The following CERS3 variants were observed in gnomAD, a reference collection of about 807,000 sequenced individuals.
The protein encoded by CERS3 is LAG1 homolog, ceramide synthase 3.
Under a neutral mutation model 50.3 loss-of-function variants are expected in CERS3, and 33 were observed. That is an observed-to-expected ratio of 0.66 (90% confidence interval 0.50 to 0.88). The LOEUF is 0.88. Among genes scored for constraint, CERS3 ranks in the 40% least tolerant of loss-of-function variants. The pLI, the probability that CERS3 is intolerant of heterozygous loss-of-function variation, is 0.00. For synonymous variants in CERS3, 176 were observed against 155.2 expected (o/e 1.13, Z -0.99); for missense variants, 470 against 460.3 (o/e 1.02, Z -0.19).
At chr15:100,456,663 T>C (rs1416494876) in intron 10 of CERS3, among the ~76,000 whole-genome samples, 2 of 152,220 alleles carry the variant, frequency 1.3e-5, no homozygotes, top group Non-Finnish European at 1.5e-5. Context: ...TATTGCCATA[T>C]GGGCCGGGCA....
intron 3 of CERS3, among the ~76,000 whole-genome samples, chr15:100,501,077 T>C (rs1356446759): frequency 6.6e-6 from 1 of 152,200 alleles, no homozygotes; most frequent in Non-Finnish European, 1.5e-5. Flanking sequence ...GGAAATAATA[T>C]CCATTTAAAT....
intron 5 of CERS3, among the ~76,000 whole-genome samples, chr15:100,481,606 C>A (rs765620191): frequency 7.9e-5 from 12 of 152,234 alleles, no homozygotes; most frequent in Non-Finnish European, 1.5e-4. Context: ...CGCACACATG[C>A]GCTATGTCAC....
chr15:100,401,117 C>T lies in CERS3; in HGVS notation c.*1596G>A, dbSNP rs2030489412. 6.6e-6 allele frequency: 1 copy of T among 152,178 alleles called. No homozygotes were observed. Among genetic ancestry groups the T allele is most frequent in the Non-Finnish European group, 1.5e-5 (1 of 68,054 alleles). 9.4% of individuals were successfully genotyped at this position (152,178 alleles called of 1,614,324 possible). On this transcript the variant is annotated 3_prime_UTR_variant, in exon 12 of 12. Coordinates refer to ENST00000679737, the MANE Select transcript of CERS3 (RefSeq NM_001378789.1). ...GCAGTGTCCTTCCGGCTCCAGGGGCCCTGCAGCTGCTCTGCTTGGGGCTGA... is the reference window on the plus strand; with the variant it reads ...GCAGTGTCCTTCCGGCTCCAGGGGCTCTGCAGCTGCTCTGCTTGGGGCTGA...
At chr15:100,539,042 C>A (rs1406567745) in intron 1 of CERS3, among the ~76,000 whole-genome samples, 3 of 152,178 alleles carry the variant, frequency 2.0e-5, no homozygotes, top group African/African-American at 7.2e-5. Context: ...CAAAGTTCCA[C>A]AGATCTCTAG....
In CERS3 at chr15:100,402,623, G is replaced by T. The variant is rs529533224; in HGVS notation, c.*90C>A. The T allele has an allele frequency of 1.3e-5, 17 of 1,289,874 alleles. No homozygotes were observed. The South Asian group carries it at 2.1e-4, about 16-fold the overall frequency. The allele number at this position is 1,289,874 out of a possible 1,614,324, so 79.9% of individuals were successfully genotyped here. On this transcript the variant is annotated 3_prime_UTR_variant, in exon 12 of 12. Coordinates refer to ENST00000679737, the MANE Select transcript of CERS3 (RefSeq NM_001378789.1). Reference sequence around the variant, plus strand: ...AGGCGGTGGTGAGAAAGAGGGAAGGGCAGAATGTGGGGTCGGTGTGGGGCC... The same window carrying T: ...AGGCGGTGGTGAGAAAGAGGGAAGGTCAGAATGTGGGGTCGGTGTGGGGCC...
chr15:100,473,595 G>A (rs2035035762), intron 8 of CERS3, among the ~76,000 whole-genome samples: 1 of 152,136 alleles, frequency 6.6e-6, no homozygotes, highest in South Asian at 2.1e-4. Flanking sequence ...AAACCACAAT[G>A]AGATATACTT....
chr15:100,486,053 G>C (rs891122211), intron 4 of CERS3, among the ~76,000 whole-genome samples: 4 of 152,184 alleles, frequency 2.6e-5, no homozygotes, highest in Non-Finnish European at 4.4e-5. Flanking sequence ...CCAAGATCTG[G>C]CGGACGCTTC....
chr15:100,500,592 ATTC>A (rs1246001363), intron 3 of CERS3: 1 of 152,254 alleles, frequency 6.6e-6, no homozygotes, highest in East Asian at 1.9e-4. Flanking sequence ...CAGGATAGTA[ATTC>A]TTCTACTTTA....
intron 10 of CERS3, 105 bp downstream of exon 10, chr15:100,469,273 A>T: frequency 1.4e-6 from 1 of 739,212 alleles, no homozygotes; most frequent in African/African-American, 1.8e-5. Flanking sequence ...TGACACAAAT[A>T]ACTGGAGACC....
chr15:100,439,850 C>T (rs1463213570), intron 11 of CERS3, among the ~76,000 whole-genome samples: 1 of 152,144 alleles, frequency 6.6e-6, no homozygotes, highest in African/African-American at 2.4e-5. Flanking sequence ...CTCCACAACT[C>T]CTGTCAAACT....
chr15:100,475,918 C>G, intron 8 of CERS3, 168 bp downstream of exon 8: 1 of 356,204 alleles, frequency 2.8e-6, no homozygotes. Context: ...TACCAAGGCA[C>G]CAAAGCATGA....
intron 3 of CERS3, among the ~76,000 whole-genome samples, chr15:100,495,439 C>T (rs1024553442): frequency 2.0e-5 from 3 of 152,264 alleles, no homozygotes; most frequent in Middle Eastern, 3.4e-3. Context: ...TTTCTGGTTG[C>T]TTTTATGGAA....
chr15:100,425,645 C>A (rs2032767365), intron 11 of CERS3, among the ~76,000 whole-genome samples: 1 of 152,162 alleles, frequency 6.6e-6, no homozygotes, highest in Non-Finnish European at 1.5e-5. Flanking sequence ...AAGAGACTAG[C>A]TTGTTTCTGA....
At chr15:100,423,900 A>AT (rs2032634823) in intron 11 of CERS3, among the ~76,000 whole-genome samples, 1 of 144,392 alleles carries the variant, frequency 6.9e-6, no homozygotes, top group South Asian at 2.2e-4. Flanking sequence ...AGTTAATTAA[A>AT]TTTTTTTCTC....
chr15:100,500,394 T>C (rs2035961363), intron 3 of CERS3: 2 of 152,230 alleles, frequency 1.3e-5, no homozygotes, highest in East Asian at 3.8e-4. Flanking sequence ...GACAGGGACG[T>C]AACAAGCTGG....
chr15:100,501,960 C>G, intron 2 of CERS3, 110 bp from the exon 3 acceptor site: 1 of 1,175,788 alleles, frequency 8.5e-7, no homozygotes, highest in South Asian at 1.5e-5. Flanking sequence ...GAAAATAAGG[C>G]AAGAGGCCTA....
intron 7 of CERS3, among the ~76,000 whole-genome samples, chr15:100,478,827 C>A (rs2035216110): frequency 6.6e-6 from 1 of 151,702 alleles, no homozygotes; most frequent in African/African-American, 2.4e-5. Flanking sequence ...ATAATAATCC[C>A]AGATGGAAAC....
intron 10 of CERS3, among the ~76,000 whole-genome samples, chr15:100,457,196 A>G (rs2034402497): frequency 6.6e-6 from 1 of 152,014 alleles, no homozygotes; most frequent in Non-Finnish European, 1.5e-5. Flanking sequence ...TAATTTTTTT[A>G]TTAACATGCA....
chr15:100,426,235 GAAAAATA>G (rs2032803956), intron 11 of CERS3, among the ~76,000 whole-genome samples: 2 of 151,984 alleles, frequency 1.3e-5, no homozygotes, highest in South Asian at 4.1e-4. Flanking sequence ...TTGAGATAGT[GAAAAATA>G]AAAAATAAAA....
Sources: gnomAD v4.1 joint callset for allele counts (sites outside exome capture counted in the v4.1 genomes callset) on GRCh38, gnomAD v4.1.1 for gene constraint, MANE v1.5 for transcripts, NCBI Gene and HGNC (gene_info 2026-07-23, HGNC 2026-07-21) for gene names.